Variants in APBA3 observed in about 807,000 individuals in gnomAD.
APBA3 encodes amyloid beta precursor protein binding family A member 3.
APBA3 carries 45 observed loss-of-function variants against 55.9 expected under a neutral mutation model. That is an observed-to-expected ratio of 0.80 (90% CI 0.63 to 1.03). The LOEUF is 1.03. Among genes scored for constraint, APBA3 ranks in the 50% least tolerant of loss-of-function variants. The probability of loss-of-function intolerance (pLI) is 0.00; values close to 1 mark genes in which losing one functional copy is unlikely to be tolerated. For missense variants in APBA3, 865 were observed against 820.3 expected (o/e 1.05, Z -0.67); for synonymous variants, 370 against 353.3 (o/e 1.05, Z -0.53).
intron 6 of APBA3, 99 bp from the exon 7 acceptor site, chr19:3,753,089 C>G: frequency 7.2e-7 from 1 of 1,387,678 alleles, no homozygotes; most frequent in Non-Finnish European, 9.8e-7. Flanking sequence ...CTGTCCCCAC[C>G]TGGGGTGAGA....
intron 8 of APBA3, among the ~76,000 whole-genome samples, chr19:3,752,140 G>A (rs2037013876): frequency 6.6e-6 from 1 of 152,216 alleles, no homozygotes; most frequent in Non-Finnish European, 1.5e-5. Context: ...CTTGAGCCCA[G>A]AAGGTCAAGG....
intron 3 of APBA3, among the ~76,000 whole-genome samples, chr19:3,757,391 G>A (rs1475244088): frequency 6.6e-6 from 1 of 151,892 alleles, no homozygotes; most frequent in Non-Finnish European, 1.5e-5. Context: ...ACAGATGTGA[G>A]CCACCCTTCC....
At chr19:3,755,774 T>C (rs896796621) in intron 3 of APBA3, 1 of 147,304 alleles carries the variant, frequency 6.8e-6, no homozygotes, top group Non-Finnish European at 1.5e-5. Context: ...CACACCAGCC[T>C]GGGTGACAGA....
In APBA3 at chr19:3,754,321, A is replaced by C. The variant is rs1025403589; in HGVS notation, c.636T>G (p.His212Gln). Reference protein sequence around the residue: ...APQEVPGPCDHEDLLDGVIFG... With the variant: ...APQEVPGPCDQEDLLDGVIFG... Reference sequence around the variant, plus strand: ...ATATGACACCGTCCAGGAGGTCTTCATGGTCACAGGGACCAGGCACTGAGG... The same window carrying C: ...ATATGACACCGTCCAGGAGGTCTTCCTGGTCACAGGGACCAGGCACTGAGG... The change falls in exon 4 of 11, where the codon CAT becomes CAG. Residue 212 changes from histidine to glutamine, a missense_variant. Coordinates refer to ENST00000316757, the MANE Select transcript of APBA3 (RefSeq NM_004886.4). 2 of 1,558,518 alleles carry C rather than the reference A, an allele frequency of 1.3e-6. No homozygotes were observed. The highest frequency in any genetic ancestry group is 4.7e-5 in the East Asian group (2 of 42,376).
chr19:3,751,166 G>T, intron 10 of APBA3, 23 bp downstream of exon 10: 1 of 1,553,956 alleles, frequency 6.4e-7, no homozygotes. Context: ...GGCGCCCCTG[G>T]CCACCACCCA....
chr19:3,758,631 G>A (rs2037106860), intron 3 of APBA3, among the ~76,000 whole-genome samples: 2 of 152,148 alleles, frequency 1.3e-5, no homozygotes, highest in African/African-American at 2.4e-5. Context: ...TGTAATCCTA[G>A]CACTTTAGGA....
chr19:3,758,617 C>T (rs1011886967), intron 3 of APBA3, among the ~76,000 whole-genome samples: 9 of 152,134 alleles, frequency 5.9e-5, no homozygotes, highest in East Asian at 1.9e-4. Context: ...TGGTGGCTCA[C>T]GCTTGTAATC....
At chr19:3,758,875 A>G (rs2037110667) in intron 3 of APBA3, among the ~76,000 whole-genome samples, 1 of 151,914 alleles carries the variant, frequency 6.6e-6, no homozygotes, top group Admixed American at 6.6e-5. Flanking sequence ...TCTGTCTCAA[A>G]AAGAAAGAAA....
chr19:3,751,806 T>C, intron 8 of APBA3: 1 of 524,646 alleles, frequency 1.9e-6, no homozygotes, highest in South Asian at 2.5e-5. Flanking sequence ...CCAGGCAGGC[T>C]GCAAACATCT....
At chr19:3,757,951 T>C (rs192453159) in intron 3 of APBA3, among the ~76,000 whole-genome samples, 11 of 152,334 alleles carry the variant, frequency 7.2e-5, no homozygotes, top group Middle Eastern at 3.4e-3. Context: ...TTTCTTTTTT[T>C]AGAGACAGAG....
intron 1 of APBA3, among the ~76,000 whole-genome samples, 169 bp from the exon 2 acceptor site, chr19:3,760,470 C>T (rs765259630): frequency 2.6e-5 from 4 of 152,100 alleles, no homozygotes; most frequent in African/African-American, 7.2e-5. Flanking sequence ...AAATTAAGGC[C>T]GGGCACAGTG....
intron 1 of APBA3, 105 bp from the exon 2 acceptor site, chr19:3,760,406 T>C (rs1284033084): frequency 2.9e-6 from 2 of 699,376 alleles, no homozygotes; most frequent in South Asian, 2.0e-5. Context: ...AACCCAGGAG[T>C]TCAAGATCAG....
chr19:3,751,399 C>T (rs1275425305), intron 9 of APBA3, 35 bp downstream of exon 9: 5 of 1,429,282 alleles, frequency 3.5e-6, no homozygotes, highest in Admixed American at 2.2e-5. Flanking sequence ...GGCCGCCCTA[C>T]CCCCCCACCC....
In APBA3 at chr19:3,751,216, G is replaced by C; in HGVS notation, c.1629C>G (p.Ile543Met). 1 of 1,551,256 alleles carries C rather than the reference G, an allele frequency of 6.4e-7. No homozygotes were observed. The highest frequency in any genetic ancestry group is 8.7e-7 in the Non-Finnish European group (1 of 1,148,968). Residue 543 changes from isoleucine to methionine, a missense_variant, in exon 10 of 11, where the codon ATC becomes ATG. Ile to Met is a conservative substitution (Grantham distance 10). Coordinates refer to ENST00000316757, the MANE Select transcript of APBA3 (RefSeq NM_004886.4). ...SVVATPHARIIELLTEAYGEV... is the reference protein window; with the variant it reads ...SVVATPHARIMELLTEAYGEV... ...CGCCATAGGCCTCGGTGAGCAGCTCGATGATGCGGGCGTGTGGCGTGGCCA... is the reference window on the plus strand; with the variant it reads ...CGCCATAGGCCTCGGTGAGCAGCTCCATGATGCGGGCGTGTGGCGTGGCCA...
chr19:3,753,747 C>T lies in APBA3; in HGVS notation c.1011+18G>A, dbSNP rs371913688. ...GAGGAGGGCCTCAGGAGGGTGGCCC[C>T]GCGCCCTGGCTGCTCACGTCCTCCG... On this transcript the variant is annotated intron_variant, in intron 6 of 10. Coordinates refer to ENST00000316757, the MANE Select transcript of APBA3 (RefSeq NM_004886.4). The T allele has an allele frequency of 1.4e-5, 21 of 1,491,912 alleles. No homozygotes were observed. In the African/African-American group the frequency reaches 1.5e-4, roughly 11 times the overall value. 92.4% of individuals were successfully genotyped at this position (1,491,912 alleles called of 1,614,324 possible).
chr19:3,752,227 C>CA (rs1333395024), intron 8 of APBA3, among the ~76,000 whole-genome samples: 2 of 152,040 alleles, frequency 1.3e-5, no homozygotes, highest in African/African-American at 4.8e-5. Flanking sequence ...CAAACCCCCC[C>CA]AGAAATTAGC....
At chr19:3,756,769 C>A (rs1057336168) in intron 3 of APBA3, 3 of 152,084 alleles carry the variant, frequency 2.0e-5, no homozygotes, top group African/African-American at 7.2e-5. Context: ...AATTTTTTAA[C>A]GTGGATAACT....
chr19:3,760,350 C>T lies in APBA3; in HGVS notation c.-37-49G>A. ...GAGGTTTCGCCCGGGTGCAGTGGCT[C>T]ATGCCTGTAATCCCAGAATTTTGGG... On this transcript the variant is annotated intron_variant, in intron 1 of 10. Transcript: ENST00000316757. 5 of 1,273,914 alleles carry T rather than the reference C, an allele frequency of 3.9e-6. No homozygotes were observed. In the South Asian group the frequency reaches 7.3e-5, roughly 19 times the overall value. The allele number at this position is 1,273,914 out of a possible 1,614,324, so 78.9% of individuals were successfully genotyped here. A position where few individuals can be genotyped will look rare whatever the true frequency, so the allele number is the denominator to read the frequency against.
At chr19:3,759,476 G>T (rs1357482137) in intron 3 of APBA3, 85 bp downstream of exon 3, 3 of 1,363,042 alleles carry the variant, frequency 2.2e-6, no homozygotes, top group African/African-American at 2.9e-5. Flanking sequence ...CGTCCTTACT[G>T]GCAAGCTGTT....
Sources: allele counts gnomAD v4.1 joint callset (sites outside exome capture counted in the v4.1 genomes callset), GRCh38; gene constraint gnomAD v4.1.1; transcripts MANE v1.5; gene names NCBI Gene and HGNC (gene_info 2026-07-23, HGNC 2026-07-21).